CAMK2D: variants seen among roughly 807,000 people sequenced by gnomAD.
The protein encoded by CAMK2D is calcium/calmodulin-dependent protein kinase type II subunit delta.
A neutral mutation model predicts 84.0 loss-of-function variants in CAMK2D; 37 were observed. That is an observed-to-expected ratio of 0.44 (90% CI 0.34 to 0.58). The LOEUF (loss-of-function observed/expected upper bound fraction) is 0.58, where lower values mean the gene tolerates loss of function less well. Among genes scored for constraint, CAMK2D ranks in the 20% least tolerant of loss-of-function variants. CAMK2D has a pLI of 0.02. For synonymous variants in CAMK2D, 202 were observed against 212.5 expected (o/e 0.95, Z 0.43); for missense variants, 448 against 652.5 (o/e 0.69, Z 3.41).
At chr4:113,696,195 G>GACACACACACACACACACAC (rs56784441) in intron 2 of CAMK2D, among the ~76,000 whole-genome samples, 1 of 144,532 alleles carries the variant, frequency 6.9e-6, no homozygotes, top group African/African-American at 2.5e-5. Flanking sequence ...CAGACACACA[G>GACACACACACACACACACAC]ACACACACAC....
chr4:113,517,168 A>G lies in CAMK2D; in HGVS notation c.696+395T>C, dbSNP rs140620638. 5.2e-3 allele frequency among the ~76,000 whole-genome samples: 793 copies of G among 152,234 alleles called. 7 individuals carry two copies. The highest frequency in any genetic ancestry group is 0.018 in the African/African-American group (740 of 41,568). On this transcript the variant is annotated intron_variant, in intron 9 of 20. Transcript: ENST00000511664. ...ATAGTGGGATAATGTTCTATTTGAT[A>G]TGTGATCACAGCAAAATATTGTTGG...
intron 1 of CAMK2D, among the ~76,000 whole-genome samples, chr4:113,760,226 A>T (rs2099637822): frequency 6.6e-6 from 1 of 151,936 alleles, no homozygotes; most frequent in Admixed American, 6.5e-5. Flanking sequence ...TAACATCTCC[A>T]AGTAGTTCTG....
At chr4:113,603,772 T>TA (rs1280388190) in intron 4 of CAMK2D, among the ~76,000 whole-genome samples, 85 of 82,528 alleles carry the variant, frequency 1.0e-3, no homozygotes, top group African/African-American at 3.2e-3. Context: ...TTCTTGCTAT[T>TA]TTATATATAT....
chr4:113,618,400 C>G (rs73841796), intron 3 of CAMK2D, among the ~76,000 whole-genome samples: 6,377 of 152,230 alleles, frequency 0.042, 460 homozygotes, highest in African/African-American at 0.14. Context: ...ATCATCTTCT[C>G]TTTGTAACTT....
At position 113,761,558 on chromosome 4, in the gene CAMK2D, G is replaced by A. The variant is rs11731775; in HGVS notation, c.-490C>T. On this transcript the variant is annotated 5_prime_UTR_variant, in exon 1 of 21. Transcript: ENST00000511664. ...CCGCGGAGCCCAGAGCGGACAGCCT[G>A]AGCCCAGCGGCCGCTGTCAGCAGGC... 384,471 of 988,354 alleles carry A rather than the reference G, an allele frequency of 0.39. 77,004 individuals are homozygous for A. Among genetic ancestry groups the A allele is most frequent in the Admixed American group, 0.51 (8,383 of 16,534 alleles). 61.2% of individuals were successfully genotyped at this position (988,354 alleles called of 1,614,324 possible).
chr4:113,552,766 G>C (rs1182947184), intron 4 of CAMK2D, among the ~76,000 whole-genome samples: 1 of 152,148 alleles, frequency 6.6e-6, no homozygotes, highest in Non-Finnish European at 1.5e-5. Context: ...ATCTCTGAAA[G>C]AGAAATTCTT....
chr4:113,653,567 G>A (rs2099185270), intron 3 of CAMK2D, among the ~76,000 whole-genome samples: 1 of 151,970 alleles, frequency 6.6e-6, no homozygotes, highest in Admixed American at 6.6e-5. Flanking sequence ...TTCTTAGACT[G>A]TTGCTCAACT....
At chr4:113,579,950 T>C (rs551524610) in intron 4 of CAMK2D, among the ~76,000 whole-genome samples, 3 of 152,344 alleles carry the variant, frequency 2.0e-5, no homozygotes, top group East Asian at 1.9e-4. Flanking sequence ...CAGAAGAGTT[T>C]TTCTTCAACC....
rs2097819072 is a variant in CAMK2D at position 113,490,279 on chromosome 4, T to C, written c.1135+10184A>G. Among the ~76,000 whole-genome samples, 5 of 150,048 alleles carry C rather than the reference T, an allele frequency of 3.3e-5. No homozygotes were observed. The Admixed American group carries it at 3.3e-4, about 10-fold the overall frequency. On this transcript the variant is annotated intron_variant, in intron 16 of 20. Transcript: ENST00000511664. ...TCTAGGGGTTTTATGGTTTTAGGTC[T>C]AACGTTTAAGTCTTTAATCCATCTT... is the stretch of plus-strand genomic sequence containing the variant.
At chr4:113,483,577 C>T (rs1462951299) in intron 16 of CAMK2D, among the ~76,000 whole-genome samples, 1 of 151,778 alleles carries the variant, frequency 6.6e-6, no homozygotes, top group Non-Finnish European at 1.5e-5. Flanking sequence ...GGCTAATTTT[C>T]GTGTTTTGAG....
intron 14 of CAMK2D, among the ~76,000 whole-genome samples, chr4:113,503,679 C>T (rs1475815091): frequency 6.6e-6 from 1 of 152,146 alleles, no homozygotes; most frequent in East Asian, 1.9e-4. Context: ...AAAACTTCTA[C>T]TTTATGGACT....
At chr4:113,532,423 C>T (rs377090218) in intron 7 of CAMK2D, among the ~76,000 whole-genome samples, 1 of 152,020 alleles carries the variant, frequency 6.6e-6, no homozygotes, top group African/African-American at 2.4e-5. Flanking sequence ...ACCTCAAACT[C>T]GACTTGAAAT....
At chr4:113,512,731 C>T (rs992662382) in intron 12 of CAMK2D, among the ~76,000 whole-genome samples, 1 of 152,170 alleles carries the variant, frequency 6.6e-6, no homozygotes, top group Non-Finnish European at 1.5e-5. Flanking sequence ...CGCCACCACA[C>T]TCAGCTAATT....
chr4:113,586,169 G>A (rs57669921), intron 4 of CAMK2D, among the ~76,000 whole-genome samples: 1 of 152,280 alleles, frequency 6.6e-6, no homozygotes, highest in Middle Eastern at 3.4e-3. Context: ...CCCTTGGTGA[G>A]AGTAATTGGT....
At chr4:113,497,123 T>G (rs949101757) in intron 16 of CAMK2D, among the ~76,000 whole-genome samples, 1 of 152,146 alleles carries the variant, frequency 6.6e-6, no homozygotes, top group African/African-American at 2.4e-5. Flanking sequence ...GAGTTTTTTT[T>G]TTTTTAGGTA....
At chr4:113,641,348 T>C (rs1426575511) in intron 3 of CAMK2D, among the ~76,000 whole-genome samples, 2 of 152,214 alleles carry the variant, frequency 1.3e-5, no homozygotes, top group Non-Finnish European at 2.9e-5. Context: ...ACTTTTTCAC[T>C]GTACAGAGCA....
Position 113,454,310 on chromosome 4 carries a change from G to T in CAMK2D, c.*235C>A. 2.7e-6 allele frequency: 1 copy of T among 376,570 alleles called. No homozygotes were observed. The allele number at this position is 376,570 out of a possible 1,614,324, so 23.3% of individuals were successfully genotyped here. The stretch of plus-strand genomic sequence containing the variant: ...GTTTTGCCAACAGTAATTTAAGTTT[G>T]TGTGGAACATCCCCGTAGTTGAAGT... On this transcript the variant is annotated 3_prime_UTR_variant, in exon 21 of 21. Transcript: ENST00000511664.
chr4:113,489,557 T>A (rs1365725179), intron 16 of CAMK2D, among the ~76,000 whole-genome samples: 2 of 150,024 alleles, frequency 1.3e-5, no homozygotes, highest in Non-Finnish European at 3.0e-5. Flanking sequence ...GACATTTGGG[T>A]TGGTTCCAAG....
intron 2 of CAMK2D, among the ~76,000 whole-genome samples, chr4:113,737,607 T>C (rs756391845): frequency 1.3e-5 from 2 of 152,130 alleles, no homozygotes; most frequent in Non-Finnish European, 2.9e-5. Flanking sequence ...GCCACTAAAT[T>C]GTACACTTAA....
Sources: allele counts gnomAD v4.1 joint callset (sites outside exome capture counted in the v4.1 genomes callset), GRCh38; gene constraint gnomAD v4.1.1; transcripts MANE v1.5; gene names NCBI Gene and HGNC (gene_info 2026-07-23, HGNC 2026-07-21).